The following STARD13 variants were observed in gnomAD, a reference collection of about 807,000 sequenced individuals.
STARD13 encodes StAR related lipid transfer domain containing 13, also known as stAR-related lipid transfer protein 13.
Under a neutral mutation model 106.4 loss-of-function variants are expected in STARD13, and 62 were observed. The ratio of observed to expected loss-of-function variants is 0.58; its 90% confidence interval spans 0.48 to 0.72. The LOEUF (loss-of-function observed/expected upper bound fraction) is 0.72. STARD13 is among the 30% of genes least tolerant of loss of function. The probability of loss-of-function intolerance (pLI) is 0.00; values close to 1 mark genes in which losing one functional copy is unlikely to be tolerated. For synonymous variants in STARD13, 565 were observed against 553.0 expected (o/e 1.02, Z -0.31); for missense variants, 1,387 against 1,424.0 (o/e 0.97, Z 0.42).
chr13:33,543,145 G>T, the STARD13 span, among the ~76,000 whole-genome samples: 1 of 152,158 alleles, frequency 6.6e-6, no homozygotes, highest in African/African-American at 2.4e-5. Context: ...AGTCTTCCCC[G>T]TATCAGTTCT....
chr13:33,112,487 A>G (rs1874728567), intron 9 of STARD13, among the ~76,000 whole-genome samples: 1 of 152,066 alleles, frequency 6.6e-6, no homozygotes, highest in Non-Finnish European at 1.5e-5. Flanking sequence ...TCTCTTTATC[A>G]TCTACCATCT....
the STARD13 span, among the ~76,000 whole-genome samples, chr13:33,589,003 T>A: frequency 6.6e-6 from 1 of 152,218 alleles, no homozygotes; most frequent in Non-Finnish European, 1.5e-5. Flanking sequence ...CAGACCATCC[T>A]CTTTGCTTAC....
the STARD13 span, among the ~76,000 whole-genome samples, chr13:33,494,932 A>G: frequency 6.6e-6 from 1 of 152,090 alleles, no homozygotes; most frequent in African/African-American, 2.4e-5. Flanking sequence ...AAAAGACTCT[A>G]CTTAGGGTTC....
chr13:33,385,218 AATATATATATAT>A, the STARD13 span, among the ~76,000 whole-genome samples: 457 of 33,578 alleles, frequency 0.014, 14 homozygotes, highest in Middle Eastern at 0.026. Context: ...AAAGGTTCGG[AATATATATATAT>A]ATATATATAT....
At chr13:33,400,288 C>G in the STARD13 span, among the ~76,000 whole-genome samples, 1 of 152,132 alleles carries the variant, frequency 6.6e-6, no homozygotes, top group African/African-American at 2.4e-5. Context: ...TATGTTGTGA[C>G]AAAGGCAAGA....
chr13:33,162,740 T>C (rs907305080), intron 3 of STARD13, among the ~76,000 whole-genome samples: 5 of 136,976 alleles, frequency 3.7e-5, no homozygotes, highest in African/African-American at 1.4e-4. Context: ...ACTTTATTAT[T>C]CATATCACTA....
At chr13:33,167,919 C>G (rs967207762) in intron 1 of STARD13, among the ~76,000 whole-genome samples, 1 of 151,390 alleles carries the variant, frequency 6.6e-6, no homozygotes, top group African/African-American at 2.4e-5. Flanking sequence ...GGAAAAATGT[C>G]TTATTTATAC....
chr13:33,382,710 T>A, the STARD13 span, among the ~76,000 whole-genome samples: 2 of 152,190 alleles, frequency 1.3e-5, no homozygotes, highest in East Asian at 3.8e-4. Flanking sequence ...AAAAATGCGA[T>A]TCCATTGGTA....
chr13:33,398,703 TATTATC>T, the STARD13 span, among the ~76,000 whole-genome samples: 4 of 152,180 alleles, frequency 2.6e-5, no homozygotes, highest in Non-Finnish European at 5.9e-5. Context: ...AGATTCCCAA[TATTATC>T]AGTATCAGGA....
chr13:33,195,609 G>A (rs1886556978), intron 1 of STARD13, among the ~76,000 whole-genome samples: 1 of 152,174 alleles, frequency 6.6e-6, no homozygotes, highest in Non-Finnish European at 1.5e-5. Flanking sequence ...CCAGGAAGCC[G>A]ACACGTAGCA....
chr13:33,527,116 A>T, the STARD13 span, among the ~76,000 whole-genome samples: 2 of 152,150 alleles, frequency 1.3e-5, no homozygotes, highest in Admixed American at 1.3e-4. Flanking sequence ...TTAAATACAT[A>T]GTTTTAAGGG....
the STARD13 span, among the ~76,000 whole-genome samples, chr13:33,453,045 T>C: frequency 6.6e-6 from 1 of 152,230 alleles, no homozygotes; most frequent in Non-Finnish European, 1.5e-5. Flanking sequence ...GGTATTACCA[T>C]GTGGCAGGCC....
the STARD13 span, chr13:33,654,772 A>T: frequency 3.3e-5 from 5 of 152,360 alleles, no homozygotes; most frequent in African/African-American, 1.2e-4. Flanking sequence ...TTAGTCAGAC[A>T]TGGAAAGTCT....
At chr13:33,485,921 T>C in the STARD13 span, among the ~76,000 whole-genome samples, 1 of 152,202 alleles carries the variant, frequency 6.6e-6, no homozygotes, top group Non-Finnish European at 1.5e-5. Flanking sequence ...GAATTAATTA[T>C]CAGGTGTACT....
the STARD13 span, among the ~76,000 whole-genome samples, chr13:33,418,168 G>A: frequency 6.6e-6 from 1 of 152,230 alleles, no homozygotes; most frequent in African/African-American, 2.4e-5. Flanking sequence ...GGGGTCAGGG[G>A]ATTTCCCTTT....
chr13:33,215,125 G>GT (rs368523480), intron 1 of STARD13, among the ~76,000 whole-genome samples: 8 of 125,876 alleles, frequency 6.4e-5, no homozygotes, highest in African/African-American at 2.1e-4. Flanking sequence ...TACTTGGGGG[G>GT]GGGGGTGGGG....
intron 1 of STARD13, among the ~76,000 whole-genome samples, chr13:33,192,070 G>C (rs949571357): frequency 6.6e-6 from 1 of 152,158 alleles, no homozygotes; most frequent in Non-Finnish European, 1.5e-5. Flanking sequence ...CTGTTTTTTG[G>C]CAGTTCCCAC....
the STARD13 span, among the ~76,000 whole-genome samples, chr13:33,639,464 G>C: frequency 6.6e-6 from 1 of 152,176 alleles, no homozygotes; most frequent in East Asian, 1.9e-4. Flanking sequence ...AGTCCTGATT[G>C]GTTGAGAAAA....
chr13:33,529,258 A>T, the STARD13 span, among the ~76,000 whole-genome samples: 8 of 152,214 alleles, frequency 5.3e-5, no homozygotes, highest in African/African-American at 9.6e-5. Context: ...TCTGTTGAAG[A>T]TGCATAGAAA....
Sources: allele counts gnomAD v4.1 joint callset (sites outside exome capture counted in the v4.1 genomes callset), GRCh38; gene constraint gnomAD v4.1.1; transcripts MANE v1.5; gene names NCBI Gene and HGNC (gene_info 2026-07-23, HGNC 2026-07-21).